PTPRD: variants seen among roughly 807,000 people sequenced by gnomAD.
PTPRD encodes protein tyrosine phosphatase receptor type D.
Under a neutral mutation model 214.5 loss-of-function variants are expected in PTPRD, and 34 were observed. That is an observed-to-expected ratio of 0.16 (90% CI 0.12 to 0.21). The LOEUF is 0.21. PTPRD is among the 10% of genes least tolerant of loss of function. PTPRD has a pLI of 1.00. For synonymous variants in PTPRD, 1,128 were observed against 845.7 expected (o/e 1.33, Z -5.79); for missense variants, 2,545 against 2,398.7 (o/e 1.06, Z -1.27).
chr9:9,012,992 G>GA (rs992782298), intron 11 of PTPRD, among the ~76,000 whole-genome samples: 17 of 151,904 alleles, frequency 1.1e-4, no homozygotes, highest in African/African-American at 3.1e-4. Context: ...TTTTTTGAAT[G>GA]AAAAAAATAA....
intron 5 of PTPRD, among the ~76,000 whole-genome samples, chr9:9,863,020 A>G (rs1600139442): frequency 6.6e-6 from 1 of 152,330 alleles, no homozygotes; most frequent in East Asian, 1.9e-4. Flanking sequence ...ATAGGAAAAA[A>G]AGCACTTTGT....
At chr9:8,688,031 T>C (rs554621911) in intron 12 of PTPRD, among the ~76,000 whole-genome samples, 1 of 152,354 alleles carries the variant, frequency 6.6e-6, no homozygotes, top group African/African-American at 2.4e-5. Flanking sequence ...AAGTTCGCTA[T>C]ATAATGACAA....
Position 8,317,494 on chromosome 9 carries a change from C to G in PTPRD, c.*380G>C, listed in dbSNP as rs1822803044. On this transcript the variant is annotated 3_prime_UTR_variant, in exon 46 of 46. Transcript: ENST00000381196. ...TCCGTTTCATTGTGAGAAGCCACAC[C>G]AGCACATATCTTGTGCTGAACTGCA... 8.0e-6 allele frequency: 2 copies of G among 250,138 alleles called. No homozygotes were observed. Among genetic ancestry groups the G allele is most frequent in the African/African-American group, 4.4e-5 (2 of 45,802 alleles). The allele number at this position is 250,138 out of a possible 1,614,324, so 15.5% of individuals were successfully genotyped here.
At chr9:9,505,298 C>A (rs747962139) in intron 8 of PTPRD, among the ~76,000 whole-genome samples, 6 of 151,566 alleles carry the variant, frequency 4.0e-5, no homozygotes, top group Non-Finnish European at 3.0e-5. Context: ...AAATCCTTCT[C>A]TTCTTTATAG....
At chr9:8,506,190 T>C (rs982349037) in intron 22 of PTPRD, among the ~76,000 whole-genome samples, 1 of 152,208 alleles carries the variant, frequency 6.6e-6, no homozygotes, top group African/African-American at 2.4e-5. Flanking sequence ...ATTTAGCATG[T>C]GAGTTTTTTA....
At chr9:10,432,223 G>A (rs1379022839) in intron 2 of PTPRD, among the ~76,000 whole-genome samples, 4 of 144,936 alleles carry the variant, frequency 2.8e-5, no homozygotes, top group Non-Finnish European at 3.0e-5. Flanking sequence ...ACTCATAGGC[G>A]GGAATTGAAC....
At chr9:9,548,025 A>C (rs1289393689) in intron 8 of PTPRD, among the ~76,000 whole-genome samples, 2 of 152,070 alleles carry the variant, frequency 1.3e-5, no homozygotes, top group Non-Finnish European at 2.9e-5. Flanking sequence ...TGTAAAGAAA[A>C]ACACTGCTGT....
intron 5 of PTPRD, among the ~76,000 whole-genome samples, chr9:9,907,859 C>G (rs1156720052): frequency 6.6e-6 from 1 of 151,946 alleles, no homozygotes; most frequent in African/African-American, 2.4e-5. Flanking sequence ...TTTCATCACT[C>G]ATACCAGTAA....
At chr9:10,515,524 T>C (rs10756051) in intron 2 of PTPRD, among the ~76,000 whole-genome samples, 34,387 of 151,792 alleles carry the variant, frequency 0.23, 4,661 homozygotes, top group East Asian at 0.3. Context: ...TTTCAGCATA[T>C]TTTATTTTAG....
In PTPRD at chr9:8,319,837, C is replaced by T. The variant is rs1825600580; in HGVS notation, c.5664G>A (p.Gln1888=). Residue 1888 remains glutamine (Q), a synonymous_variant, in exon 45 of 46, where the codon CAG becomes CAA. Coordinates refer to ENST00000381196, the MANE Select transcript of PTPRD (RefSeq NM_002839.4). The part of the protein sequence containing the change: ...MLRTQRPAMV[Q]TEDQYQFSYR... ...ATGCAATGGATTTTCTCACCTCTGT[C>T]TGTACCATAGCTGGTCGTTGTGTTC... 6.2e-7 allele frequency: 1 copy of T among 1,612,720 alleles called. No homozygotes were observed. The highest frequency in any genetic ancestry group is 8.5e-7 in the Non-Finnish European group (1 of 1,179,220).
rs562193634 is a variant in PTPRD, at chr9:9,264,143, C to T, written c.-202-80780G>A. 2.3e-4 allele frequency among the ~76,000 whole-genome samples: 35 copies of T among 151,540 alleles called. No homozygotes were observed. In the East Asian group the frequency reaches 3.9e-3, roughly 17 times the overall value. ...ATTTAATGCAAAAACTTCAAGACTT[C>T]GATGAAAATATTAAGTAATATGACA... On this transcript the variant is annotated intron_variant, in intron 9 of 45. Transcript: ENST00000381196.
intron 10 of PTPRD, among the ~76,000 whole-genome samples, chr9:9,036,814 T>C (rs574422260): frequency 4.9e-4 from 75 of 152,296 alleles, no homozygotes; most frequent in African/African-American, 1.8e-3. Flanking sequence ...ACCCTGTTAA[T>C]GAGATCTCAG....
intron 11 of PTPRD, among the ~76,000 whole-genome samples, chr9:8,816,257 G>A (rs746787482): frequency 1.3e-4 from 20 of 152,174 alleles, no homozygotes; most frequent in Non-Finnish European, 2.6e-4. Flanking sequence ...TATGATCATT[G>A]GTCTAGATTC....
intron 3 of PTPRD, among the ~76,000 whole-genome samples, chr9:10,180,154 C>T (rs2099273784): frequency 1.3e-5 from 2 of 151,828 alleles, no homozygotes; most frequent in Admixed American, 6.6e-5. Flanking sequence ...AAATTTAAAA[C>T]ATATGTTTAA....
chr9:9,186,758 G>C (rs1226822320), intron 9 of PTPRD, among the ~76,000 whole-genome samples: 1 of 151,716 alleles, frequency 6.6e-6, no homozygotes, highest in Non-Finnish European at 1.5e-5. Context: ...TCATAACCCA[G>C]TTTTCCACCT....
At chr9:9,636,409 T>C (rs2095767843) in intron 7 of PTPRD, among the ~76,000 whole-genome samples, 2 of 152,196 alleles carry the variant, frequency 1.3e-5, no homozygotes, top group Non-Finnish European at 2.9e-5. Flanking sequence ...AGATCAAACA[T>C]AGGAATTCCT....
At chr9:9,928,831 T>C (rs2085309533) in intron 5 of PTPRD, among the ~76,000 whole-genome samples, 1 of 151,910 alleles carries the variant, frequency 6.6e-6, no homozygotes, top group African/African-American at 2.4e-5. Context: ...AAGCCAGTTA[T>C]TTTCTTTAAA....
intron 8 of PTPRD, among the ~76,000 whole-genome samples, chr9:9,477,151 C>A (rs1288558736): frequency 6.6e-6 from 1 of 152,204 alleles, no homozygotes; most frequent in African/African-American, 2.4e-5. Context: ...TTGGAAAAGA[C>A]AGTATTTATA....
In PTPRD at chr9:9,017,047, T is replaced by C. The variant is rs2099538659; in HGVS notation, c.-104+1650A>G. ...GGTGGCCTAGTAGTGATGTGTATTA[T>C]AGATAATGAATCATAAATAACCAAA... On this transcript the variant is annotated intron_variant, in intron 11 of 45. Coordinates refer to ENST00000381196, the MANE Select transcript of PTPRD (RefSeq NM_002839.4). Among the ~76,000 whole-genome samples, 3 of 152,056 alleles carry C rather than the reference T, an allele frequency of 2.0e-5. No individual in the cohort carries two copies. In the South Asian group the frequency reaches 6.2e-4, roughly 32 times the overall value.
Sources: gnomAD v4.1 joint callset for allele counts (sites outside exome capture counted in the v4.1 genomes callset) on GRCh38, gnomAD v4.1.1 for gene constraint, MANE v1.5 for transcripts, NCBI Gene and HGNC (gene_info 2026-07-23, HGNC 2026-07-21) for gene names.